MYRIP: variants seen among roughly 807,000 people sequenced by gnomAD.
The protein encoded by MYRIP is rab effector MyRIP.
A neutral mutation model predicts 98.0 loss-of-function variants in MYRIP; 49 were observed. That is an observed-to-expected ratio of 0.50 (90% confidence interval 0.40 to 0.63). The LOEUF (loss-of-function observed/expected upper bound fraction) is 0.63. Among genes scored for constraint, MYRIP ranks in the 30% least tolerant of loss-of-function variants. MYRIP has a pLI of 0.00. For synonymous variants in MYRIP, 404 were observed against 409.5 expected, an observed-to-expected ratio of 0.99 and a Z score of 0.16; for missense variants, 1,004 against 1,058.2, an observed-to-expected ratio of 0.95 and a Z score of 0.71.
chr3:40,225,505 G>A (rs982494479), intron 11 of MYRIP, among the ~76,000 whole-genome samples: 3 of 152,126 alleles, frequency 2.0e-5, no homozygotes, highest in Non-Finnish European at 4.4e-5. Flanking sequence ...CAGTCCACTG[G>A]GTCCAGGGAA....
chr3:39,994,117 C>A (rs1177802653), intron 2 of MYRIP, among the ~76,000 whole-genome samples: 1 of 152,218 alleles, frequency 6.6e-6, no homozygotes, highest in Non-Finnish European at 1.5e-5. Context: ...GTGAGCGATG[C>A]AGAAGACAGG....
intron 2 of MYRIP, among the ~76,000 whole-genome samples, chr3:39,953,744 C>A (rs895232083): frequency 3.9e-5 from 6 of 152,146 alleles, no homozygotes; most frequent in Admixed American, 3.9e-4. Flanking sequence ...CCAGGAAGTG[C>A]AAGGGGTCAG....
At chr3:40,019,714 TC>T (rs78238096) in intron 2 of MYRIP, among the ~76,000 whole-genome samples, 10,118 of 147,634 alleles carry the variant, frequency 0.069, 477 homozygotes, top group East Asian at 0.18. Flanking sequence ...AACAATTCAA[TC>T]CCCCCCCCGC....
At chr3:40,192,332 T>TATATATATGTCATATATATATGTC (rs1951253542) in intron 10 of MYRIP, among the ~76,000 whole-genome samples, 1 of 131,750 alleles carries the variant, frequency 7.6e-6, no homozygotes, top group African/African-American at 2.8e-5. Flanking sequence ...ATATGTCATA[T>TATATATATGTCATATATATATGTC]ATATATATGT....
intron 2 of MYRIP, among the ~76,000 whole-genome samples, chr3:39,976,562 T>A (rs1045367515): frequency 6.6e-6 from 1 of 152,186 alleles, no homozygotes; most frequent in Non-Finnish European, 1.5e-5. Flanking sequence ...CCCAAAGGAT[T>A]ATAAATCATG....
At chr3:39,850,354 A>C (rs1347655136) in intron 1 of MYRIP, among the ~76,000 whole-genome samples, 1 of 152,190 alleles carries the variant, frequency 6.6e-6, no homozygotes, top group Non-Finnish European at 1.5e-5. Context: ...CCTGAGCTTT[A>C]TTCTAAAAGT....
intron 1 of MYRIP, among the ~76,000 whole-genome samples, chr3:39,813,382 C>A (rs1313759587): frequency 6.6e-6 from 1 of 152,212 alleles, no homozygotes; most frequent in Non-Finnish European, 1.5e-5. Context: ...GACTGAGATG[C>A]TGTTTAGAAG....
chr3:39,887,521 C>T (rs1278695061), intron 1 of MYRIP, among the ~76,000 whole-genome samples: 2 of 152,016 alleles, frequency 1.3e-5, no homozygotes, highest in Admixed American at 6.6e-5. Flanking sequence ...ATTGATGGGA[C>T]GTATTTCAAA....
At chr3:40,041,016 C>G (rs1232132322) in intron 2 of MYRIP, among the ~76,000 whole-genome samples, 1 of 80,462 alleles carries the variant, frequency 1.2e-5, no homozygotes, top group Non-Finnish European at 2.6e-5. Flanking sequence ...GAAAATATTA[C>G]CAGCAGAAAA....
At chr3:40,209,806 T>C (rs1951872804) in intron 10 of MYRIP, 48 bp from the exon 11 acceptor site, 11 of 1,607,330 alleles carry the variant, frequency 6.8e-6, no homozygotes, top group East Asian at 2.2e-5. Flanking sequence ...AGAAGCAACA[T>C]GGCTGTAGCA....
chr3:39,863,206 A>G (rs1395645282), intron 1 of MYRIP, among the ~76,000 whole-genome samples: 5 of 152,166 alleles, frequency 3.3e-5, no homozygotes, highest in Admixed American at 3.3e-4. Context: ...TCAAAAAGCT[A>G]GAAGTATCTC....
intron 4 of MYRIP, among the ~76,000 whole-genome samples, chr3:40,157,689 T>C (rs1277829103): frequency 2.7e-5 from 4 of 150,834 alleles, no homozygotes; most frequent in Non-Finnish European, 5.9e-5. Context: ...TATTGGTCTA[T>C]TCAGAGATTC....
intron 3 of MYRIP, among the ~76,000 whole-genome samples, chr3:40,142,209 G>A (rs903552098): frequency 2.0e-5 from 3 of 151,354 alleles, no homozygotes; most frequent in East Asian, 1.9e-4. Flanking sequence ...CTGCCACCAC[G>A]CCGGGCTCAT....
intron 2 of MYRIP, among the ~76,000 whole-genome samples, chr3:40,028,417 G>A (rs147183735): frequency 1.3e-5 from 2 of 152,256 alleles, no homozygotes; most frequent in East Asian, 1.9e-4. Flanking sequence ...TTGCCCAGAC[G>A]CTATTGCAGA....
At chr3:39,934,296 G>A (rs1317236233) in intron 2 of MYRIP, among the ~76,000 whole-genome samples, 1 of 151,756 alleles carries the variant, frequency 6.6e-6, no homozygotes, top group South Asian at 2.1e-4. Flanking sequence ...AGCTAAGGAG[G>A]GCAGAAGAAG....
intron 3 of MYRIP, among the ~76,000 whole-genome samples, chr3:40,125,118 T>C (rs888485332): frequency 7.9e-5 from 12 of 152,330 alleles, no homozygotes; most frequent in African/African-American, 2.9e-4. Context: ...CCATGGTACA[T>C]GTGATCCAGT....
chr3:39,891,656 ATC>A (rs1047831352), intron 1 of MYRIP, among the ~76,000 whole-genome samples: 1 of 152,122 alleles, frequency 6.6e-6, no homozygotes, highest in African/African-American at 2.4e-5. Context: ...GCATCAGTTC[ATC>A]TCTCTACTGA....
intron 10 of MYRIP, among the ~76,000 whole-genome samples, chr3:40,204,017 T>G: frequency 1.5e-4 from 1 of 6,574 alleles, no homozygotes; most frequent in Non-Finnish European, 3.3e-4. Flanking sequence ...TTATATATAA[T>G]ATATATTATA....
chr3:40,061,358 G>A (rs544452914), intron 3 of MYRIP, among the ~76,000 whole-genome samples: 15 of 152,200 alleles, frequency 9.9e-5, no homozygotes, highest in Non-Finnish European at 1.9e-4. Flanking sequence ...TCCTTTGTTA[G>A]TTTGCTAAGG....
Sources: gnomAD v4.1 joint callset for allele counts (sites outside exome capture counted in the v4.1 genomes callset) on GRCh38, gnomAD v4.1.1 for gene constraint, MANE v1.5 for transcripts, NCBI Gene and HGNC (gene_info 2026-07-23, HGNC 2026-07-21) for gene names.